MCM9: variants seen among roughly 807,000 people sequenced by gnomAD.
MCM9 encodes the protein DNA helicase MCM9.
In MCM9, 55 loss-of-function variants were observed where a neutral mutation model predicts 72.8. The observed-to-expected ratio is 0.76, with a 90% confidence interval of 0.61 to 0.95. The LOEUF is 0.95. Among genes scored for constraint, MCM9 ranks in the 40% least tolerant of loss-of-function variants. MCM9 has a pLI of 0.00. For missense variants in MCM9, 1,279 were observed against 1,377.0 expected, an observed-to-expected ratio of 0.93 and a Z score of 1.13; for synonymous variants, 480 against 503.4, an observed-to-expected ratio of 0.95 and a Z score of 0.62.
intron 9 of MCM9, among the ~76,000 whole-genome samples, chr6:118,853,591 A>G (rs1776364792): frequency 6.6e-6 from 1 of 152,156 alleles, no homozygotes; most frequent in Non-Finnish European, 1.5e-5. Context: ...TTTGAGCCCA[A>G]GAATTTGAGA....
intron 8 of MCM9, among the ~76,000 whole-genome samples, chr6:118,910,169 A>T (rs1023812688): frequency 2.0e-5 from 3 of 150,846 alleles, no homozygotes; most frequent in African/African-American, 7.3e-5. Context: ...ATGTTAAAAA[A>T]TTTCATGAAA....
intron 13 of MCM9, among the ~76,000 whole-genome samples, chr6:118,820,515 A>G (rs943214912): frequency 6.6e-6 from 1 of 152,128 alleles, no homozygotes; most frequent in Non-Finnish European, 1.5e-5. Flanking sequence ...AATCTTTTGC[A>G]TTTCCTGAGG....
In MCM9 at chr6:118,855,758, T is replaced by C. The variant is rs147319841; in HGVS notation, c.1325+613A>G. Among the ~76,000 whole-genome samples the C allele has an allele frequency of 8.5e-3, 1,298 of 152,258 alleles. 19 individuals carry two copies. Among genetic ancestry groups the C allele is most frequent in the African/African-American group, 0.029 (1,206 of 41,532 alleles). ...CTGGCAGCCTGTTTGGTGGCCAGCC[T>C]TTGTAGCCAGGTAAGTTTCCTATAA... On this transcript the variant is annotated intron_variant, in intron 9 of 13. Transcript: ENST00000619706.
At chr6:118,900,920 T>G in intron 8 of MCM9, 1 of 1,362,918 alleles carries the variant, frequency 7.3e-7, no homozygotes, top group Non-Finnish European at 1.1e-6. Flanking sequence ...CCAAATATGT[T>G]TCGAAGTAGA....
At chr6:118,890,776 T>C (rs973249113) in intron 8 of MCM9, among the ~76,000 whole-genome samples, 2 of 152,204 alleles carry the variant, frequency 1.3e-5, no homozygotes, top group African/African-American at 4.8e-5. Flanking sequence ...GACATCCTAT[T>C]TCTAATAAAT....
chr6:118,842,129 G>A (rs569023301), intron 9 of MCM9, among the ~76,000 whole-genome samples: 17 of 152,244 alleles, frequency 1.1e-4, no homozygotes, highest in Admixed American at 2.0e-4. Context: ...CACCGTGCCC[G>A]GCCTATCTTG....
At chr6:118,870,109 A>G (rs1777500003) in intron 8 of MCM9, among the ~76,000 whole-genome samples, 1 of 152,226 alleles carries the variant, frequency 6.6e-6, no homozygotes, top group Non-Finnish European at 1.5e-5. Flanking sequence ...ACAGAAAATC[A>G]ATATGAAAAC....
chr6:118,843,332 A>G (rs1339541278), intron 9 of MCM9, among the ~76,000 whole-genome samples: 1 of 151,818 alleles, frequency 6.6e-6, no homozygotes, highest in Non-Finnish European at 1.5e-5. Flanking sequence ...GACACATTAA[A>G]AAAAAAAAAT....
At chr6:118,928,682 CAA>C (rs541206060) in intron 3 of MCM9, among the ~76,000 whole-genome samples, 1,519 of 101,446 alleles carry the variant, frequency 0.015, 28 homozygotes, top group African/African-American at 0.053. Flanking sequence ...CCCACCTCTA[CAA>C]AAAAAAAAAA....
At chr6:118,843,692 A>ATATATATATGTATGTATATATATATGTG (rs1775638604) in intron 9 of MCM9, among the ~76,000 whole-genome samples, 2 of 63,784 alleles carry the variant, frequency 3.1e-5, no homozygotes, top group African/African-American at 1.3e-4. Context: ...ATATGTGTAT[A>ATATATATATGTATGTATATATATATGTG]TATATATATA....
At chr6:118,843,877 AAAAGAG>A (rs1775680642) in intron 9 of MCM9, among the ~76,000 whole-genome samples, 5 of 151,584 alleles carry the variant, frequency 3.3e-5, no homozygotes, top group Admixed American at 3.3e-4. Context: ...GAGAAAGAGA[AAAAGAG>A]AAAGAAAGCA....
At chr6:118,900,359 T>C (rs1013724168) in intron 8 of MCM9, among the ~76,000 whole-genome samples, 2 of 152,022 alleles carry the variant, frequency 1.3e-5, no homozygotes, top group Non-Finnish European at 2.9e-5. Flanking sequence ...TAAAAGATGA[T>C]ATACAAAAAA....
intron 8 of MCM9, among the ~76,000 whole-genome samples, chr6:118,865,610 G>C (rs1032693025): frequency 4.6e-5 from 7 of 152,146 alleles, no homozygotes; most frequent in Non-Finnish European, 8.8e-5. Flanking sequence ...ACTTGCACTG[G>C]GGAGCTAACA....
At chr6:118,897,442 T>TTATATA (rs34389809) in intron 8 of MCM9, among the ~76,000 whole-genome samples, 46 of 151,178 alleles carry the variant, frequency 3.0e-4, no homozygotes, top group African/African-American at 1.1e-3. Flanking sequence ...ATTCTTAAAT[T>TTATATA]TATATATATA....
In MCM9 at chr6:118,924,066, G is replaced by C. The variant is rs1416323943; in HGVS notation, c.366C>G (p.His122Gln). ...TCACTGTCCCAGTGACAGATAAAAA[G>C]TGTCCCACATCCTTGGTTTTAGGTA... is the stretch of plus-strand genomic sequence containing the variant. ...EHIPKTKDVG[H>Q]FLSVTGTVIR... Residue 122 changes from histidine to glutamine, a missense_variant, in exon 4 of 14, where the codon CAC (histidine) becomes CAG (glutamine). Coordinates refer to ENST00000619706, the MANE Select transcript of MCM9 (RefSeq NM_017696.3). 6.2e-7 allele frequency: 1 copy of C among 1,614,146 alleles called. No individual in the cohort carries two copies. Among genetic ancestry groups the C allele is most frequent in the Non-Finnish European group, 8.5e-7 (1 of 1,180,034 alleles).
chr6:118,884,952 T>A (rs1468314317), intron 8 of MCM9, among the ~76,000 whole-genome samples: 1 of 152,146 alleles, frequency 6.6e-6, no homozygotes, highest in African/African-American at 2.4e-5. Context: ...ATCCCAGCAC[T>A]TTAGGAGGTC....
chr6:118,831,794 TA>T (rs1293687402), intron 9 of MCM9, among the ~76,000 whole-genome samples: 1 of 152,122 alleles, frequency 6.6e-6, no homozygotes, highest in Non-Finnish European at 1.5e-5. Flanking sequence ...ACAATATTAA[TA>T]AAAATAACTA....
chr6:118,836,399 GTAA>G (rs1263459350), intron 9 of MCM9, among the ~76,000 whole-genome samples: 7 of 152,196 alleles, frequency 4.6e-5, no homozygotes, highest in African/African-American at 1.7e-4. Context: ...TCTATGGTTT[GTAA>G]TAGTTTCAGA....
intron 9 of MCM9, among the ~76,000 whole-genome samples, chr6:118,832,326 G>A (rs1445331672): frequency 2.6e-5 from 4 of 152,168 alleles, no homozygotes; most frequent in Non-Finnish European, 5.9e-5. Context: ...GCCTCCCAAA[G>A]GGCTGGGATT....
Sources: gnomAD v4.1 joint callset for allele counts (sites outside exome capture counted in the v4.1 genomes callset) on GRCh38, gnomAD v4.1.1 for gene constraint, MANE v1.5 for transcripts, NCBI Gene and HGNC (gene_info 2026-07-23, HGNC 2026-07-21) for gene names.